The following NDST4 variants were observed in gnomAD, a reference collection of about 807,000 sequenced individuals.
NDST4 encodes N-deacetylase and N-sulfotransferase 4, also known as N-heparan sulfate sulfotransferase 4.
Under a neutral mutation model 100.8 loss-of-function variants are expected in NDST4, and 63 were observed. That is an observed-to-expected ratio of 0.62 (90% CI 0.51 to 0.77). The LOEUF (loss-of-function observed/expected upper bound fraction) is 0.77, where lower values mean the gene tolerates loss of function less well. Ranked by LOEUF, NDST4 falls within the 30% of genes least tolerant of loss-of-function variation. The probability of loss-of-function intolerance (pLI) is 0.00; values close to 1 mark genes in which losing one functional copy is unlikely to be tolerated. For missense variants in NDST4, 943 were observed against 1,018.4 expected (o/e 0.93, Z 1.01); for synonymous variants, 377 against 361.8 (o/e 1.04, Z -0.48).
intron 2 of NDST4, among the ~76,000 whole-genome samples, chr4:115,004,716 C>T (rs1727375454): frequency 6.6e-6 from 1 of 152,114 alleles, no homozygotes; most frequent in Admixed American, 6.6e-5. Flanking sequence ...TGTATTAGTC[C>T]AGTGAGTTGT....
intron 2 of NDST4, among the ~76,000 whole-genome samples, chr4:115,002,507 C>T (rs1157829715): frequency 6.6e-6 from 1 of 152,098 alleles, no homozygotes; most frequent in Non-Finnish European, 1.5e-5. Context: ...TAATTAGATC[C>T]CATTTGCCAA....
intron 6 of NDST4, among the ~76,000 whole-genome samples, chr4:114,889,067 T>C (rs773267083): frequency 6.6e-6 from 1 of 152,312 alleles, no homozygotes; most frequent in African/African-American, 2.4e-5. Flanking sequence ...ATTATCATGC[T>C]TTCTCAAATG....
chr4:114,935,270 C>T lies in NDST4; in HGVS notation c.1472G>A (p.Gly491Glu). 4.3e-6 allele frequency: 7 copies of T among 1,610,588 alleles called. No individual in the cohort carries two copies. Among genetic ancestry groups the T allele is most frequent in the Non-Finnish European group, 5.9e-6 (7 of 1,178,464 alleles). ...GATACTTTTATCCAGTTCTTGGGGT[C>T]CTCCTGGATATTCTTTGTAGAAAAT... ...HTIFYKEYPG[G>E]PQELDKSIRG... The change falls in exon 6 of 14, where the codon GGA becomes GAA. Residue 491 changes from glycine to glutamate, a missense_variant. By Grantham distance (98) the Gly-to-Glu change is moderately conservative. Transcript: ENST00000264363.
chr4:114,954,944 C>T (rs1726106042), intron 4 of NDST4, among the ~76,000 whole-genome samples: 1 of 152,120 alleles, frequency 6.6e-6, no homozygotes, highest in Non-Finnish European at 1.5e-5. Context: ...CATCTCACTA[C>T]CAGCTTTGCC....
intron 2 of NDST4, among the ~76,000 whole-genome samples, chr4:115,070,150 A>G (rs1338696585): frequency 6.6e-6 from 1 of 152,206 alleles, no homozygotes. Context: ...TCTTCAAAAT[A>G]GCAAAGATAT....
At chr4:114,828,520 A>G (rs1046068710) in intron 13 of NDST4, among the ~76,000 whole-genome samples, 3 of 152,118 alleles carry the variant, frequency 2.0e-5, no homozygotes, top group Admixed American at 6.6e-5. Context: ...TGCAATTCTT[A>G]TATTTCTAAT....
chr4:114,941,281 C>T (rs1164158347), intron 4 of NDST4, among the ~76,000 whole-genome samples: 4 of 152,116 alleles, frequency 2.6e-5, no homozygotes, highest in African/African-American at 9.7e-5. Context: ...CCCAAGTTGT[C>T]TAGATTCATC....
chr4:114,850,425 G>GA (rs939217923), intron 8 of NDST4, among the ~76,000 whole-genome samples: 2 of 151,984 alleles, frequency 1.3e-5, no homozygotes, highest in African/African-American at 4.8e-5. Flanking sequence ...ACTAGAAACA[G>GA]AAAAAATGTG....
rs568282230 is a variant in NDST4, at chr4:115,093,429, A to C, written c.-246-16147T>G. 2.8e-4 allele frequency among the ~76,000 whole-genome samples: 42 copies of C among 152,012 alleles called. 1 individual carries two copies. The South Asian group carries it at 6.4e-3, about 23-fold the overall frequency. Reference sequence around the variant, plus strand: ...GGCAGAGCTTGTAGTGAGCTGAGATAGCGCCACTGCACTCCAGCCTGGGTG... The same window carrying C: ...GGCAGAGCTTGTAGTGAGCTGAGATCGCGCCACTGCACTCCAGCCTGGGTG... On this transcript the variant is annotated intron_variant, in intron 1 of 13. Coordinates refer to ENST00000264363, the MANE Select transcript of NDST4 (RefSeq NM_022569.3).
chr4:114,984,935 C>A (rs1024783695), intron 2 of NDST4, among the ~76,000 whole-genome samples: 3 of 152,152 alleles, frequency 2.0e-5, no homozygotes, highest in Admixed American at 1.3e-4. Context: ...ATCTTGATCT[C>A]ATTTCTTTCT....
intron 6 of NDST4, among the ~76,000 whole-genome samples, chr4:114,903,863 T>C (rs1309435418): frequency 6.6e-6 from 1 of 152,050 alleles, no homozygotes; most frequent in African/African-American, 2.4e-5. Flanking sequence ...CAATATCTGG[T>C]AATCTCTAGA....
chr4:114,847,143 G>A lies in NDST4; in HGVS notation c.1940+1072C>T, dbSNP rs574347527. The stretch of plus-strand genomic sequence containing the variant: ...TGTAATCCCAGCACTTTGGGAGGCC[G>A]AGGCGGGCGGATCACGAGGTCAGGA... On this transcript the variant is annotated intron_variant, in intron 9 of 13. Coordinates refer to ENST00000264363, the MANE Select transcript of NDST4 (RefSeq NM_022569.3). Among the ~76,000 whole-genome samples the A allele has an allele frequency of 3.8e-5, 5 of 131,206 alleles. No homozygotes were observed. The East Asian group carries it at 9.8e-4, about 26-fold the overall frequency. 86.1% of individuals were successfully genotyped at this position (131,206 alleles called of 152,430 possible).
intron 2 of NDST4, among the ~76,000 whole-genome samples, chr4:114,989,654 TG>T (rs2126251073): frequency 6.6e-6 from 1 of 152,276 alleles, no homozygotes; most frequent in East Asian, 1.9e-4. Flanking sequence ...GGGTCAGAGC[TG>T]GAGAAGAATG....
intron 2 of NDST4, among the ~76,000 whole-genome samples, chr4:115,065,697 TA>T (rs1484610861): frequency 6.6e-6 from 1 of 152,170 alleles, no homozygotes; most frequent in Non-Finnish European, 1.5e-5. Context: ...CAACTCTGAT[TA>T]TGCCACTTTC....
chr4:114,951,212 TTAA>T (rs1725982721), intron 4 of NDST4, among the ~76,000 whole-genome samples: 1 of 152,194 alleles, frequency 6.6e-6, no homozygotes, highest in African/African-American at 2.4e-5. Context: ...AATGAACACT[TTAA>T]TTAATTTTTT....
chr4:114,988,520 C>G (rs1255132273), intron 2 of NDST4, among the ~76,000 whole-genome samples: 1 of 151,672 alleles, frequency 6.6e-6, no homozygotes, highest in Non-Finnish European at 1.5e-5. Flanking sequence ...CGCCACCACG[C>G]CTGGCTAATT....
chr4:114,856,612 A>T (rs927269821), intron 7 of NDST4, among the ~76,000 whole-genome samples: 1 of 152,238 alleles, frequency 6.6e-6, no homozygotes, highest in Non-Finnish European at 1.5e-5. Context: ...CAATTAAAAT[A>T]GAAGATCCAT....
intron 6 of NDST4, among the ~76,000 whole-genome samples, chr4:114,931,322 A>G (rs1380145256): frequency 6.6e-6 from 1 of 151,828 alleles, no homozygotes; most frequent in Non-Finnish European, 1.5e-5. Flanking sequence ...TAGTAGTGCT[A>G]GAATTTACCA....
In NDST4 at chr4:115,059,279, T is replaced by C. The variant is rs1264309752; in HGVS notation, c.978+16780A>G. 2.0e-5 allele frequency among the ~76,000 whole-genome samples: 3 copies of C among 152,120 alleles called. No individual in the cohort carries two copies. The East Asian group carries it at 5.8e-4, about 29-fold the overall frequency. On this transcript the variant is annotated intron_variant, in intron 2 of 13. Transcript: ENST00000264363. ...ATTAAGTTAGGTATGGAATGAACAA[T>C]ACAATCTAATGAAATAAATGAAAGT... is the stretch of plus-strand genomic sequence containing the variant.
Sources: gnomAD v4.1 joint callset for allele counts (sites outside exome capture counted in the v4.1 genomes callset) on GRCh38, gnomAD v4.1.1 for gene constraint, MANE v1.5 for transcripts, NCBI Gene and HGNC (gene_info 2026-07-23, HGNC 2026-07-21) for gene names.